NCOR2: variants seen among roughly 807,000 people sequenced by gnomAD.
NCOR2 encodes the protein nuclear receptor corepressor 2.
NCOR2 carries 81 observed loss-of-function variants against 262.9 expected under a neutral mutation model. That is an observed-to-expected ratio of 0.31 (90% CI 0.26 to 0.37). The LOEUF (loss-of-function observed/expected upper bound fraction) is 0.37. NCOR2 is among the 10% of genes least tolerant of loss of function. NCOR2 has a pLI of 1.00. For missense variants in NCOR2, 3,385 were observed against 3,621.4 expected, an observed-to-expected ratio of 0.93 and a Z score of 1.68; for synonymous variants, 1,659 against 1,559.3, an observed-to-expected ratio of 1.06 and a Z score of -1.51.
intron 13 of NCOR2, among the ~76,000 whole-genome samples, chr12:124,413,127 G>A (rs952989304): frequency 4.6e-5 from 7 of 152,156 alleles, no homozygotes; most frequent in African/African-American, 1.4e-4. Context: ...CTTGACAAAT[G>A]GCGAAAGGAG....
rs2050278800 is a variant in NCOR2 at position 124,523,160 on chromosome 12, T to C, written c.-118+12405A>G. Among the ~76,000 whole-genome samples the C allele has an allele frequency of 6.6e-6, 1 of 152,218 alleles. No individual in the cohort carries two copies. The highest frequency in any genetic ancestry group is 1.5e-5 in the Non-Finnish European group (1 of 68,040). On this transcript the variant is annotated intron_variant, in intron 1 of 46. Coordinates refer to the NCOR2 transcript ENST00000404621. The surrounding 1 kb of genome is among the most constrained non-coding windows in gnomAD (Gnocchi z 4.0). ...CAACGGTACTCCAGGGCTGTTTTTC[T>C]GCATGTTGTTTTTATTTTTAAAAGG...
intron 12 of NCOR2, among the ~76,000 whole-genome samples, chr12:124,420,778 C>T (rs780134490): frequency 1.1e-4 from 17 of 152,330 alleles, no homozygotes; most frequent in Non-Finnish European, 2.4e-4. Flanking sequence ...GTTCCCCTTA[C>T]AATGTAAAAT....
intron 1 of NCOR2, among the ~76,000 whole-genome samples, chr12:124,501,219 C>T (rs1356611056): frequency 6.6e-6 from 1 of 152,046 alleles, no homozygotes. Context: ...CCTGGCCCTG[C>T]GAAGACAGGC....
rs2047571624 is a variant in NCOR2 at position 124,482,885 on chromosome 12, C to A, written c.411+711G>T. On this transcript the variant is annotated intron_variant, in intron 3 of 46. Coordinates refer to ENST00000405201, the Ensembl canonical transcript of NCOR2. This position sits in a 1 kb window ranked among gnomAD's most constrained non-coding sequence, Gnocchi z 6.3. Reference sequence around the variant, plus strand: ...TGCCACACGGTGGCCCAAGGAGCAGCCAGACTGGGCAGTAGAAGGCGGCTT... The same window carrying A: ...TGCCACACGGTGGCCCAAGGAGCAGACAGACTGGGCAGTAGAAGGCGGCTT... Among the ~76,000 whole-genome samples the A allele has an allele frequency of 6.6e-6, 1 of 152,318 alleles. No homozygotes were observed. The highest frequency in any genetic ancestry group is 1.9e-4 in the East Asian group (1 of 5,190).
rs934903580 is a variant in NCOR2 at position 124,454,247 on chromosome 12, G to T, written c.762+2859C>A. The stretch of plus-strand genomic sequence containing the variant: ...TGAGCCTCATCCAGAAAATGGGACG[G>T]CAACAGCTCTGTGAGGCGTCCTCCC... On this transcript the variant is annotated intron_variant, in intron 6 of 46. Transcript: ENST00000405201. The surrounding 1 kb of genome is among the most constrained non-coding windows in gnomAD (Gnocchi z 5.6). Among the ~76,000 whole-genome samples, 4 of 152,162 alleles carry T rather than the reference G, an allele frequency of 2.6e-5. No homozygotes were observed. The highest frequency in any genetic ancestry group is 9.7e-5 in the African/African-American group (4 of 41,432).
intron 15 of NCOR2, 59 bp downstream of exon 17, chr12:124,400,442 A>C: frequency 6.3e-7 from 1 of 1,577,612 alleles, no homozygotes; most frequent in Non-Finnish European, 8.6e-7. Flanking sequence ...CTTTCATATG[A>C]GCGCAACCCG....
chr12:124,325,597 C>G lies in NCOR2; in HGVS notation c.7364-14G>C. 3 of 1,268,736 alleles carry G rather than the reference C, an allele frequency of 2.4e-6. No homozygotes were observed. The highest frequency in any genetic ancestry group is 3.0e-6 in the Non-Finnish European group (3 of 997,706). The allele number at this position is 1,268,736 out of a possible 1,614,324, so 78.6% of individuals were successfully genotyped here. A position where few individuals can be genotyped will look rare whatever the true frequency, so the allele number is the denominator to read the frequency against. On this transcript the variant is annotated splice_polypyrimidine_tract_variant and intron_variant, in intron 46 of 46. Transcript: ENST00000405201. Reference sequence around the variant, plus strand: ...ATGGCGTGGAACCTGCGGGAAGAAGCGAAAGATGCCCAGGAGGCCTCTGTG... The same window carrying G: ...ATGGCGTGGAACCTGCGGGAAGAAGGGAAAGATGCCCAGGAGGCCTCTGTG...
intron 22 of NCOR2, 145 bp from the exon 25 acceptor site, chr12:124,356,927 C>A: frequency 9.6e-7 from 1 of 1,038,064 alleles, no homozygotes; most frequent in Non-Finnish European, 1.3e-6. Context: ...GGAAGCCCCC[C>A]AAGTCTGCCT....
chr12:124,483,898 G>T lies in NCOR2; in HGVS notation c.234-125C>A. 1.7e-6 allele frequency: 2 copies of T among 1,167,158 alleles called. No individual in the cohort carries two copies. The highest frequency in any genetic ancestry group is 2.3e-6 in the Non-Finnish European group (2 of 874,628). The allele number at this position is 1,167,158 out of a possible 1,614,324, so 72.3% of individuals were successfully genotyped here. On this transcript the variant is annotated intron_variant, in intron 2 of 46. Transcript: ENST00000405201. This position sits in a 1 kb window ranked among gnomAD's most constrained non-coding sequence, Gnocchi z 6.3. ...TGCTCTGTATGATCCTGCCAGGAAG[G>T]TGCTCACAGGAGCCCACCTCCCACG...
chr12:124,433,334 A>G (rs2044089470), intron 8 of NCOR2, among the ~76,000 whole-genome samples: 1 of 152,216 alleles, frequency 6.6e-6, no homozygotes, highest in African/African-American at 2.4e-5. Context: ...GCCCCTGTCC[A>G]AGAGGCCCCA....
At chr12:124,420,683 A>G (rs2043155717) in intron 12 of NCOR2, among the ~76,000 whole-genome samples, 1 of 152,198 alleles carries the variant, frequency 6.6e-6, no homozygotes, top group Non-Finnish European at 1.5e-5. Flanking sequence ...GCCAAATGGG[A>G]CGAGTAAAAG....
intron 1 of NCOR2, chr12:124,562,272 A>ACGGGACAGCGCAGC: frequency 6.6e-6 from 1 of 152,318 alleles, no homozygotes; most frequent in Non-Finnish European, 1.5e-5. Flanking sequence ...TGGCTAAAGC[A>ACGGGACAGCGCAGC]CGGGACAGCG....
chr12:124,477,075 G>A (rs2047140308), intron 3 of NCOR2, among the ~76,000 whole-genome samples: 1 of 152,096 alleles, frequency 6.6e-6, no homozygotes. Context: ...AGTGATTCGT[G>A]GTTGCCAGGA....
intron 38 of NCOR2, 88 bp downstream of exon 40, chr12:124,336,665 G>C: frequency 6.5e-7 from 1 of 1,539,012 alleles, no homozygotes. Flanking sequence ...GTTGGCCAGC[G>C]CACCTCCTTC....
At chr12:124,441,930 G>A (rs78316314) in intron 7 of NCOR2, among the ~76,000 whole-genome samples, 1 of 152,194 alleles carries the variant, frequency 6.6e-6, no homozygotes, top group Non-Finnish European at 1.5e-5. Context: ...ATCTTCAAAA[G>A]TGCTGGGGTG....
chr12:124,544,763 GACAT>G (rs2051487807), intron 1 of NCOR2, among the ~76,000 whole-genome samples: 1 of 152,204 alleles, frequency 6.6e-6, no homozygotes, highest in Non-Finnish European at 1.5e-5. Context: ...AAGTGGGGCT[GACAT>G]ACAGAGTCCC....
rs1476089887 is a variant in NCOR2, at chr12:124,443,268, T to C, written c.816-5272A>G. Among the ~76,000 whole-genome samples, 1 of 152,216 alleles carries C rather than the reference T, an allele frequency of 6.6e-6. No homozygotes were observed. Among genetic ancestry groups the C allele is most frequent in the Non-Finnish European group, 1.5e-5 (1 of 68,040 alleles). ...TGGTGGTGATGTGCATGCAGCCGTC[T>C]GTTTGCCACCGATGGGCAGCAACTG... On this transcript the variant is annotated intron_variant, in intron 7 of 46. Coordinates refer to ENST00000405201, the Ensembl canonical transcript of NCOR2. The surrounding 1 kb of genome is among the most constrained non-coding windows in gnomAD (Gnocchi z 4.4).
chr12:124,463,005 A>G (rs1024041286), intron 5 of NCOR2, among the ~76,000 whole-genome samples: 2 of 152,024 alleles, frequency 1.3e-5, no homozygotes, highest in African/African-American at 2.4e-5. Context: ...CTACATCTCT[A>G]TTGGAAGCAG....
At position 124,348,353 on chromosome 12, in the gene NCOR2, C is replaced by T. The variant is rs191452494; in HGVS notation, c.3845-39G>A. The T allele has an allele frequency of 1.3e-3, 2,119 of 1,570,040 alleles. 3 individuals are homozygous for T. Among genetic ancestry groups the T allele is most frequent in the Non-Finnish European group, 1.7e-3 (1,948 of 1,156,732 alleles). On this transcript the variant is annotated intron_variant, in intron 28 of 46. Transcript: ENST00000405201. ...AAAGCACTCGGTGAGGAGCTGGGCA[C>T]GGGCCCAGGACCACGGTGGGCAGGC... is the stretch of plus-strand genomic sequence containing the variant.
Sources: allele counts gnomAD v4.1 joint callset (sites outside exome capture counted in the v4.1 genomes callset), GRCh38; gene constraint gnomAD v4.1.1; non-coding constraint Gnocchi (gnomAD v3.1); transcripts MANE v1.5; gene names NCBI Gene and HGNC (gene_info 2026-07-23, HGNC 2026-07-21).